FARP1: variants seen among roughly 807,000 people sequenced by gnomAD.
FARP1 encodes the protein FERM, ARHGEF and pleckstrin domain-containing protein 1.
Under a neutral mutation model 128.8 loss-of-function variants are expected in FARP1, and 52 were observed. That is an observed-to-expected ratio of 0.40 (90% CI 0.32 to 0.51). FARP1 has a LOEUF of 0.51. Ranked by LOEUF, FARP1 falls within the 20% of genes least tolerant of loss-of-function variation. FARP1 has a pLI of 0.45. For missense variants in FARP1, 1,333 were observed against 1,367.9 expected, an observed-to-expected ratio of 0.97 and a Z score of 0.40; for synonymous variants, 580 against 551.8, an observed-to-expected ratio of 1.05 and a Z score of -0.72.
chr13:98,434,230 A>G (rs1423274278), intron 18 of FARP1: 1 of 152,100 alleles, frequency 6.6e-6, no homozygotes, highest in Non-Finnish European at 1.5e-5. Context: ...CCGGGGTGCC[A>G]TCATTCCATC....
intron 3 of FARP1, among the ~76,000 whole-genome samples, chr13:98,353,864 TACC>T (rs1237178824): frequency 6.6e-6 from 1 of 151,116 alleles, no homozygotes. Context: ...TAACTCTTCT[TACC>T]ACAATTTTTA....
At chr13:98,321,020 T>C (rs1287779421) in intron 2 of FARP1, among the ~76,000 whole-genome samples, 2 of 152,134 alleles carry the variant, frequency 1.3e-5, no homozygotes, top group East Asian at 3.9e-4. Flanking sequence ...ACTGGGAGTC[T>C]TTGGGTTATG....
chr13:98,385,795 C>G lies in FARP1; in HGVS notation c.740C>G (p.Thr247Arg). 1 of 1,614,134 alleles carries G rather than the reference C, an allele frequency of 6.2e-7. No homozygotes were observed. ...GTKINLAVAN[T>R]GILVFQGFTK... Reference sequence around the variant, plus strand: ...AAGATCAATCTGGCCGTTGCCAACACGGGAATTCTAGTGTTTCAGGTGAGA... The same window carrying G: ...AAGATCAATCTGGCCGTTGCCAACAGGGGAATTCTAGTGTTTCAGGTGAGA... Residue 247 changes from threonine to arginine, a missense_variant, in exon 8 of 27, where the codon ACG becomes AGG. This residue lies in a region of FARP1 where 324 missense variants were observed against 398.1 expected (regional missense o/e 0.81). Transcript: ENST00000319562.
chr13:98,351,377 C>T (rs1322613400), intron 3 of FARP1, among the ~76,000 whole-genome samples: 4 of 152,150 alleles, frequency 2.6e-5, no homozygotes, highest in African/African-American at 9.7e-5. Flanking sequence ...CTTTGCGAGG[C>T]CGAGGCAGGC....
intron 4 of FARP1, 50 bp downstream of exon 4, chr13:98,365,487 A>G (rs752315497): frequency 7.4e-7 from 1 of 1,346,766 alleles, no homozygotes; most frequent in Non-Finnish European, 1.1e-6. Flanking sequence ...GAAGCCAGAC[A>G]GTTTCATGTC....
At chr13:98,274,849 T>C (rs563776737) in intron 2 of FARP1, among the ~76,000 whole-genome samples, 1 of 152,292 alleles carries the variant, frequency 6.6e-6, no homozygotes, top group African/African-American at 2.4e-5. Context: ...CTTTAATATG[T>C]TAGGGTTTTA....
At chr13:98,398,276 T>C (rs2140082663) in intron 13 of FARP1, 1 of 152,348 alleles carries the variant, frequency 6.6e-6, no homozygotes, top group South Asian at 2.1e-4. Flanking sequence ...GATTGTTGGA[T>C]CGTTTGAGAG....
chr13:98,207,908 CCACACACACACACACA>C lies in FARP1; in HGVS notation c.-23-5266_-23-5251del, dbSNP rs71111934. ...ATATACTGCTCCCCGACCACCACCT[CCACACACACACACACA>C]CACACACACACACACACACACACAC... On this transcript the variant is annotated intron_variant, in intron 1 of 26. Transcript: ENST00000319562. 5.1e-3 allele frequency among the ~76,000 whole-genome samples: 364 copies of C among 71,612 alleles called. 1 individual carries two copies. Among genetic ancestry groups the C allele is most frequent in the Middle Eastern group, 0.027 (3 of 110 alleles). The allele number at this position is 71,612 out of a possible 152,430, so 47.0% of individuals were successfully genotyped here. A position where few individuals can be genotyped will look rare whatever the true frequency, so the allele number is the denominator to read the frequency against.
intron 2 of FARP1, among the ~76,000 whole-genome samples, chr13:98,271,995 C>T (rs1002382443): frequency 1.3e-5 from 2 of 152,058 alleles, no homozygotes; most frequent in Non-Finnish European, 1.5e-5. Flanking sequence ...GTTCTAGATC[C>T]TTGAGGAATC....
rs369875027 is a variant in FARP1, at chr13:98,305,490, C to T, written c.172-38272C>T. On this transcript the variant is annotated intron_variant, in intron 2 of 26. Coordinates refer to ENST00000319562, the MANE Select transcript of FARP1 (RefSeq NM_005766.4). ...CTGGGATTACAGGCACCCGCCACCA[C>T]GCCCAGCTAACTTTTGTATTTTTAG... Among the ~76,000 whole-genome samples the T allele has an allele frequency of 7.8e-4, 119 of 152,240 alleles. 2 individuals are homozygous for T. In the South Asian group the frequency reaches 0.011, roughly 14 times the overall value.
At chr13:98,392,794 GTC>G (rs1890364827) in intron 11 of FARP1, among the ~76,000 whole-genome samples, 1 of 150,332 alleles carries the variant, frequency 6.7e-6, no homozygotes, top group East Asian at 1.9e-4. Flanking sequence ...CTCATGCCCT[GTC>G]TCTATAAATG....
chr13:98,371,097 G>A (rs1441562764), intron 5 of FARP1, among the ~76,000 whole-genome samples: 3 of 152,146 alleles, frequency 2.0e-5, no homozygotes, highest in Non-Finnish European at 4.4e-5. Flanking sequence ...TTGGAGGAAT[G>A]TAGTTGTGTT....
At chr13:98,392,493 C>A (rs1566947377) in intron 11 of FARP1, among the ~76,000 whole-genome samples, 1 of 148,716 alleles carries the variant, frequency 6.7e-6, no homozygotes, top group Non-Finnish European at 1.5e-5. Flanking sequence ...AGAGCGAGAT[C>A]CTGTCCCAAA....
intron 1 of FARP1, among the ~76,000 whole-genome samples, chr13:98,175,540 A>G (rs917008805): frequency 4.0e-5 from 6 of 151,578 alleles, no homozygotes; most frequent in Admixed American, 1.3e-4. Flanking sequence ...AAAATTAATT[A>G]TAGTACAAAA....
Position 98,395,766 on chromosome 13 carries a change from C to T in FARP1, c.1414+290C>T, listed in dbSNP as rs1022154577. Reference sequence around the variant, plus strand: ...TCCTTGATGACGATTCAGCAGACATCACCTTTGATATGAGCGGGAGCCCTC... The same window carrying T: ...TCCTTGATGACGATTCAGCAGACATTACCTTTGATATGAGCGGGAGCCCTC... On this transcript the variant is annotated intron_variant, in intron 13 of 26. Transcript: ENST00000319562. 27 of 418,694 alleles carry T rather than the reference C, an allele frequency of 6.4e-5. No homozygotes were observed. The Admixed American group carries it at 8.7e-4, about 13-fold the overall frequency. 25.9% of individuals were successfully genotyped at this position (418,694 alleles called of 1,614,324 possible).
chr13:98,383,121 C>G (rs1257054109), intron 6 of FARP1, among the ~76,000 whole-genome samples: 1 of 152,186 alleles, frequency 6.6e-6, no homozygotes, highest in Non-Finnish European at 1.5e-5. Flanking sequence ...ATGGCTAATT[C>G]AGTGTTTATG....
chr13:98,424,481 G>A (rs1891704675), intron 16 of FARP1, 91 bp from the exon 17 acceptor site: 3 of 820,632 alleles, frequency 3.7e-6, no homozygotes, highest in Admixed American at 3.7e-5. Context: ...AGGGGTGATT[G>A]GAAAGGAAGC....
intron 2 of FARP1, among the ~76,000 whole-genome samples, chr13:98,224,529 AAAAAAAAAAAAAAAAAG>A (rs1483100348): frequency 9.0e-5 from 4 of 44,608 alleles, no homozygotes; most frequent in Non-Finnish European, 1.9e-4. Context: ...TCTGTCTCAA[AAAAAAAAAAAAAAAAAG>A]AAAAAAAAAA....
At chr13:98,350,824 A>G (rs1888386979) in intron 3 of FARP1, among the ~76,000 whole-genome samples, 1 of 152,088 alleles carries the variant, frequency 6.6e-6, no homozygotes, top group Non-Finnish European at 1.5e-5. Context: ...TTATTTGCCA[A>G]TTAACCAATC....
Sources: allele counts gnomAD v4.1 joint callset (sites outside exome capture counted in the v4.1 genomes callset), GRCh38; gene constraint gnomAD v4.1.1; regional missense constraint gnomAD v4.1.1; transcripts MANE v1.5; gene names NCBI Gene and HGNC (gene_info 2026-07-23, HGNC 2026-07-21).